Variants in MCC observed in about 807,000 individuals in gnomAD.
MCC encodes colorectal mutant cancer protein.
Under a neutral mutation model 116.2 loss-of-function variants are expected in MCC, and 90 were observed. The observed-to-expected ratio is 0.77, with a 90% CI of 0.65 to 0.92. The LOEUF is 0.92. MCC is among the 40% of genes least tolerant of loss of function. MCC has a pLI of 0.00. For missense variants in MCC, 1,516 were observed against 1,312.2 expected, an observed-to-expected ratio of 1.16 and a Z score of -2.40; for synonymous variants, 578 against 510.5, an observed-to-expected ratio of 1.13 and a Z score of -1.78.
At chr5:113,145,784 AAACACACACACACACACACAC>A (rs869176671) in intron 4 of MCC, among the ~76,000 whole-genome samples, 3 of 13,404 alleles carry the variant, frequency 2.2e-4, no homozygotes, top group Admixed American at 1.1e-3. Flanking sequence ...ACACACACAC[AAACACACACACACACACACAC>A]AAAAGACCCT....
At chr5:113,469,118 CT>C (rs1309290346) in intron 1 of MCC, among the ~76,000 whole-genome samples, 1 of 152,024 alleles carries the variant, frequency 6.6e-6, no homozygotes, top group Non-Finnish European at 1.5e-5. Flanking sequence ...TTTTGTTGAC[CT>C]TTTCAAAAAA....
At chr5:113,334,338 G>T (rs1317512074) in intron 3 of MCC, among the ~76,000 whole-genome samples, 1 of 150,592 alleles carries the variant, frequency 6.6e-6, no homozygotes, top group African/African-American at 2.5e-5. Flanking sequence ...CTCCCAAGTA[G>T]CTGGGACCAC....
intron 3 of MCC, chr5:113,294,373 C>T (rs1311628811): frequency 1.2e-6 from 2 of 1,612,352 alleles, no homozygotes; most frequent in African/African-American, 2.7e-5. Context: ...TTCATGGCAA[C>T]TCCGGAATTC....
At chr5:113,369,571 C>G (rs1399236971) in intron 2 of MCC, among the ~76,000 whole-genome samples, 6 of 151,774 alleles carry the variant, frequency 4.0e-5, no homozygotes, top group Non-Finnish European at 7.4e-5. Context: ...GTTACTTTTT[C>G]TATTGATTTG....
intron 4 of MCC, among the ~76,000 whole-genome samples, chr5:113,147,602 C>T (rs1267355790): frequency 6.6e-6 from 1 of 152,184 alleles, no homozygotes; most frequent in Admixed American, 6.5e-5. Flanking sequence ...AGATGTTACC[C>T]TCTCAAGGTC....
chr5:113,398,373 C>T (rs756351803), intron 1 of MCC, among the ~76,000 whole-genome samples: 10 of 152,138 alleles, frequency 6.6e-5, no homozygotes, highest in East Asian at 3.8e-4. Context: ...CAAAAAGACA[C>T]GTGCACTTGT....
chr5:113,087,317 G>T (rs563125082), intron 8 of MCC, among the ~76,000 whole-genome samples: 1 of 152,240 alleles, frequency 6.6e-6, no homozygotes, highest in East Asian at 1.9e-4. Context: ...GCTCTGCCAC[G>T]GTTCCAGTAA....
At chr5:113,127,344 T>A (rs1387131987) in intron 5 of MCC, among the ~76,000 whole-genome samples, 2 of 152,252 alleles carry the variant, frequency 1.3e-5, no homozygotes, top group African/African-American at 4.8e-5. Flanking sequence ...TAGAATGCTT[T>A]ATGTTCCTCT....
Position 113,333,828 on chromosome 5 carries a change from T to TACATATGTAC in MCC, c.627+6690_627+6691insGTACATATGT, listed in dbSNP as rs71687516. Among the ~76,000 whole-genome samples the TACATATGTAC allele has an allele frequency of 3.4e-3, 42 of 12,290 alleles. 2 individuals carry two copies. Among genetic ancestry groups the TACATATGTAC allele is most frequent in the Non-Finnish European group, 0.014 (33 of 2,318 alleles). 8.1% of individuals were successfully genotyped at this position (12,290 alleles called of 152,430 possible). ...ATATATGTATATATGTACATATATGTATATATGTATATATGTATATATGTA... is the reference window on the plus strand; with the variant it reads ...ATATATGTATATATGTACATATATGTACATATGTACATATATGTATATATGTATATATGTA... On this transcript the variant is annotated intron_variant, in intron 3 of 18. Coordinates refer to ENST00000408903, the MANE Select transcript of MCC (RefSeq NM_001085377.2).
At chr5:113,269,435 T>G (rs1765533702) in intron 3 of MCC, among the ~76,000 whole-genome samples, 1 of 152,242 alleles carries the variant, frequency 6.6e-6, no homozygotes. Context: ...TAGAATAATG[T>G]GGGTTTTATC....
chr5:113,152,569 G>A (rs1581166057), intron 3 of MCC, among the ~76,000 whole-genome samples: 1 of 152,296 alleles, frequency 6.6e-6, no homozygotes. Flanking sequence ...CAGGACGATG[G>A]TACGTAACTC....
intron 3 of MCC, among the ~76,000 whole-genome samples, chr5:113,225,787 G>A (rs978751220): frequency 6.6e-6 from 1 of 152,176 alleles, no homozygotes; most frequent in Non-Finnish European, 1.5e-5. Context: ...GAACCAGAAA[G>A]GATATTAGGT....
intron 3 of MCC, among the ~76,000 whole-genome samples, chr5:113,245,590 C>T (rs1286538018): frequency 6.6e-6 from 1 of 152,090 alleles, no homozygotes; most frequent in Non-Finnish European, 1.5e-5. Context: ...GTTTGGAATC[C>T]ACTGTGAGAA....
At position 113,080,595 on chromosome 5, in the gene MCC, T is replaced by C. The variant is rs188291216; in HGVS notation, c.1784+2265A>G. ...ACATGTTCTCACTCATAGGTGGGAA[T>C]TGAACAATGAGAACACCTGGACACA... On this transcript the variant is annotated intron_variant, in intron 11 of 18. Transcript: ENST00000408903. 2.3e-3 allele frequency among the ~76,000 whole-genome samples: 353 copies of C among 152,080 alleles called. 2 individuals carry two copies. Among genetic ancestry groups the C allele is most frequent in the African/African-American group, 8.0e-3 (331 of 41,470 alleles).
intron 4 of MCC, among the ~76,000 whole-genome samples, chr5:113,146,116 G>GT (rs1358609231): frequency 4.8e-5 from 5 of 105,194 alleles, no homozygotes; most frequent in South Asian, 3.1e-4. Flanking sequence ...TTTTCCGTAA[G>GT]TTTTAAAAAA....
chr5:113,252,161 C>G (rs749100308), intron 3 of MCC, among the ~76,000 whole-genome samples: 1 of 152,166 alleles, frequency 6.6e-6, no homozygotes, highest in South Asian at 2.1e-4. Flanking sequence ...TTATCTTGAT[C>G]AAGCATGTCG....
intron 1 of MCC, 98 bp downstream of exon 1, chr5:113,488,147 A>C: frequency 1.6e-6 from 2 of 1,248,856 alleles, no homozygotes; most frequent in Non-Finnish European, 2.1e-6. Context: ...CTTCTGAGCA[A>C]CTTGCCGCAA....
chr5:113,263,256 C>T (rs756045053), intron 3 of MCC, among the ~76,000 whole-genome samples: 1 of 152,136 alleles, frequency 6.6e-6, no homozygotes, highest in Non-Finnish European at 1.5e-5. Flanking sequence ...AAGATTGCAG[C>T]TAAATCTATG....
At chr5:113,433,877 C>A (rs752771711) in intron 1 of MCC, 3 of 1,613,996 alleles carry the variant, frequency 1.9e-6, no homozygotes, top group Non-Finnish European at 2.5e-6. Flanking sequence ...CAGGCTGTGC[C>A]TGGGGCTGTG....
Sources: gnomAD v4.1 joint callset for allele counts (sites outside exome capture counted in the v4.1 genomes callset) on GRCh38, gnomAD v4.1.1 for gene constraint, MANE v1.5 for transcripts, NCBI Gene and HGNC (gene_info 2026-07-23, HGNC 2026-07-21) for gene names.